The following QTMAN variants were observed in gnomAD, a reference collection of about 807,000 sequenced individuals.
QTMAN encodes the protein queuosine-tRNA mannosyltransferase.
At chr2:144,276,206 G>GT in the QTMAN span, among the ~76,000 whole-genome samples, 19 of 151,264 alleles carry the variant, frequency 1.3e-4, no homozygotes, top group African/African-American at 3.6e-4. Context: ...TAAAATTCTG[G>GT]TTTTTTTTAA....
At chr2:143,995,576 A>G in the QTMAN span, among the ~76,000 whole-genome samples, 1 of 152,178 alleles carries the variant, frequency 6.6e-6, no homozygotes, top group Non-Finnish European at 1.5e-5. Context: ...GAAGTTAGAG[A>G]GTAGATAACT....
chr2:144,149,270 A>G, the QTMAN span, among the ~76,000 whole-genome samples: 6 of 151,978 alleles, frequency 3.9e-5, no homozygotes, highest in African/African-American at 1.4e-4. Context: ...AAAAACCACT[A>G]GGAACAAGAT....
chr2:143,989,982 C>CT, the QTMAN span, among the ~76,000 whole-genome samples: 1 of 152,150 alleles, frequency 6.6e-6, no homozygotes. Context: ...TCTTACAAAA[C>CT]TGTTAAAAAT....
the QTMAN span, among the ~76,000 whole-genome samples, chr2:144,081,991 G>T: frequency 6.6e-6 from 1 of 152,062 alleles, no homozygotes; most frequent in Non-Finnish European, 1.5e-5. Flanking sequence ...AGGCTCTGGT[G>T]ATTCTCCCAC....
At chr2:144,126,121 C>T in the QTMAN span, among the ~76,000 whole-genome samples, 52 of 152,048 alleles carry the variant, frequency 3.4e-4, no homozygotes, top group African/African-American at 1.2e-3. Flanking sequence ...CCTGAGGACA[C>T]TTGCAGACAG....
the QTMAN span, among the ~76,000 whole-genome samples, chr2:144,092,346 T>G: frequency 6.6e-6 from 1 of 151,936 alleles, no homozygotes; most frequent in Non-Finnish European, 1.5e-5. Flanking sequence ...TGGCTAATTT[T>G]TTGTACTTTT....
At chr2:144,317,996 G>A in the QTMAN span, among the ~76,000 whole-genome samples, 1 of 151,894 alleles carries the variant, frequency 6.6e-6, no homozygotes, top group African/African-American at 2.4e-5. Context: ...TTTTGAAAAT[G>A]GTTTGCCTTA....
the QTMAN span, among the ~76,000 whole-genome samples, chr2:144,105,889 G>C: frequency 1.3e-5 from 2 of 152,214 alleles, no homozygotes; most frequent in Admixed American, 1.3e-4. Context: ...AAGCCCATTA[G>C]ACTAACAGTG....
the QTMAN span, chr2:143,946,149 G>A: frequency 7.9e-5 from 12 of 152,150 alleles, no homozygotes; most frequent in African/African-American, 2.9e-4. Flanking sequence ...ATATTTGTAG[G>A]TGGATGCAAG....
At chr2:144,218,587 C>T in the QTMAN span, among the ~76,000 whole-genome samples, 11 of 152,276 alleles carry the variant, frequency 7.2e-5, 1 homozygote, top group Admixed American at 7.2e-4. Context: ...CTTAACTATA[C>T]TGATTAAGAA....
the QTMAN span, among the ~76,000 whole-genome samples, chr2:144,246,105 C>T: frequency 6.6e-6 from 1 of 152,092 alleles, no homozygotes. Context: ...ATGGGGGAGA[C>T]AGGCATATAG....
chr2:144,261,426 G>T, the QTMAN span, among the ~76,000 whole-genome samples: 13 of 151,970 alleles, frequency 8.6e-5, no homozygotes, highest in African/African-American at 1.7e-4. Context: ...CATGTCCTTG[G>T]TTTACACCTG....
At chr2:144,304,778 G>A in the QTMAN span, among the ~76,000 whole-genome samples, 3 of 152,058 alleles carry the variant, frequency 2.0e-5, no homozygotes, top group African/African-American at 7.2e-5. Context: ...TTAAAAAGTA[G>A]AACTTCCAGA....
chr2:144,299,920 A>G, the QTMAN span, among the ~76,000 whole-genome samples: 1 of 152,380 alleles, frequency 6.6e-6, no homozygotes, highest in African/African-American at 2.4e-5. Flanking sequence ...ATACAATGTA[A>G]TATTATTCAG....
At chr2:144,165,417 A>G in the QTMAN span, among the ~76,000 whole-genome samples, 1 of 151,946 alleles carries the variant, frequency 6.6e-6, no homozygotes, top group Non-Finnish European at 1.5e-5. Context: ...ATAAATAGGC[A>G]AGGCTAAGCA....
At chr2:144,241,450 T>C in the QTMAN span, among the ~76,000 whole-genome samples, 1 of 152,368 alleles carries the variant, frequency 6.6e-6, no homozygotes, top group Non-Finnish European at 1.5e-5. Flanking sequence ...ATAAGCACTT[T>C]ATATACATTA....
chr2:144,132,206 G>A, the QTMAN span, among the ~76,000 whole-genome samples: 1 of 151,746 alleles, frequency 6.6e-6, no homozygotes, highest in African/African-American at 2.4e-5. Flanking sequence ...GTGAACAAGG[G>A]CATATATAAA....
the QTMAN span, chr2:144,176,991 A>G: frequency 1.8e-5 from 10 of 560,378 alleles, no homozygotes; most frequent in African/African-American, 3.8e-5. Context: ...TATGTCTTAC[A>G]TGGTCAGAGC....
chr2:144,087,783 T>C, the QTMAN span, among the ~76,000 whole-genome samples: 5 of 152,034 alleles, frequency 3.3e-5, no homozygotes, highest in South Asian at 2.1e-4. Context: ...AATCTAGGCA[T>C]AGAAGGGACA....
Sources: allele counts gnomAD v4.1 joint callset (sites outside exome capture counted in the v4.1 genomes callset), GRCh38; gene constraint gnomAD v4.1.1; transcripts MANE v1.5; gene names NCBI Gene and HGNC (gene_info 2026-07-23, HGNC 2026-07-21).